Variants in SLIT3 observed in about 807,000 individuals in gnomAD.
The protein encoded by SLIT3 is slit guidance ligand 3.
A neutral mutation model predicts 184.0 loss-of-function variants in SLIT3; 68 were observed. The observed-to-expected ratio is 0.37, with a 90% confidence interval of 0.30 to 0.45. SLIT3 has a LOEUF of 0.45. Ranked by LOEUF, SLIT3 falls within the 20% of genes least tolerant of loss-of-function variation. SLIT3 has a pLI of 1.00. For synonymous variants in SLIT3, 831 were observed against 828.6 expected (o/e 1.00, Z -0.05); for missense variants, 1,707 against 2,026.0 (o/e 0.84, Z 3.02).
intron 18 of SLIT3, among the ~76,000 whole-genome samples, chr5:168,752,101 C>G (rs1451003510): frequency 6.6e-6 from 1 of 152,114 alleles, no homozygotes; most frequent in East Asian, 1.9e-4. Flanking sequence ...ACTTAAAGGT[C>G]CCAGTCTTCC....
chr5:168,875,441 G>C (rs1382726932), intron 5 of SLIT3, among the ~76,000 whole-genome samples: 1 of 152,070 alleles, frequency 6.6e-6, no homozygotes, highest in African/African-American at 2.4e-5. Flanking sequence ...AGACTAGGCT[G>C]GTCAACATGG....
chr5:168,901,883 C>T (rs1715130924), intron 4 of SLIT3, among the ~76,000 whole-genome samples: 1 of 152,118 alleles, frequency 6.6e-6, no homozygotes, highest in East Asian at 1.9e-4. Flanking sequence ...AGACAGTCCT[C>T]CTAGTGCTCT....
chr5:168,739,588 G>A (rs1449826874), intron 20 of SLIT3, among the ~76,000 whole-genome samples: 1 of 151,906 alleles, frequency 6.6e-6, no homozygotes. Flanking sequence ...CCAAGTAGCT[G>A]GGATTACAGG....
chr5:168,934,551 G>C (rs927104744), intron 4 of SLIT3, among the ~76,000 whole-genome samples: 2 of 152,172 alleles, frequency 1.3e-5, no homozygotes, highest in African/African-American at 4.8e-5. Context: ...GATACCACAA[G>C]ATGATGGGAA....
At chr5:168,843,156 C>G (rs1758327571) in intron 6 of SLIT3, among the ~76,000 whole-genome samples, 1 of 152,094 alleles carries the variant, frequency 6.6e-6, no homozygotes. Flanking sequence ...TCTCGGCTTT[C>G]ATCCGATTTC....
intron 4 of SLIT3, among the ~76,000 whole-genome samples, chr5:169,026,919 T>C (rs146349950): frequency 2.7e-3 from 405 of 152,272 alleles, no homozygotes; most frequent in African/African-American, 8.8e-3. Flanking sequence ...TAAAACTACA[T>C]GGTCCCTGCC....
intron 3 of SLIT3, among the ~76,000 whole-genome samples, chr5:169,238,273 T>C (rs1425882979): frequency 6.6e-6 from 1 of 152,158 alleles, no homozygotes; most frequent in Non-Finnish European, 1.5e-5. Context: ...TTATTAAATT[T>C]CTGAGTTTTT....
At chr5:169,027,908 G>A (rs1394039959) in intron 4 of SLIT3, among the ~76,000 whole-genome samples, 1 of 152,180 alleles carries the variant, frequency 6.6e-6, no homozygotes, top group African/African-American at 2.4e-5. Flanking sequence ...TAGAGGACTT[G>A]AAATGCACTA....
intron 9 of SLIT3, among the ~76,000 whole-genome samples, chr5:168,803,541 A>T (rs1327067866): frequency 6.6e-6 from 1 of 152,078 alleles, no homozygotes; most frequent in East Asian, 1.9e-4. Context: ...TCTCCTGGAG[A>T]GCTGAGCTGT....
At chr5:168,807,738 G>T (rs1357640099) in intron 8 of SLIT3, among the ~76,000 whole-genome samples, 1 of 152,142 alleles carries the variant, frequency 6.6e-6, no homozygotes, top group Non-Finnish European at 1.5e-5. Context: ...AAAAAAGTCT[G>T]CAGGGAAAAA....
At chr5:169,283,407 T>C (rs1767053555) in intron 1 of SLIT3, among the ~76,000 whole-genome samples, 1 of 152,186 alleles carries the variant, frequency 6.6e-6, no homozygotes, top group South Asian at 2.1e-4. Flanking sequence ...TCCAATCTCC[T>C]TGTTCCTCTG....
intron 20 of SLIT3, among the ~76,000 whole-genome samples, chr5:168,746,390 GTGTGGTGTC>G (rs1763813255): frequency 4.2e-5 from 5 of 119,926 alleles, no homozygotes; most frequent in Admixed American, 1.8e-4. Flanking sequence ...TGGTGTGGGT[GTGTGGTGTC>G]TGGTGGTGTG....
chr5:168,958,497 G>C (rs543807430), intron 4 of SLIT3, among the ~76,000 whole-genome samples: 1 of 152,154 alleles, frequency 6.6e-6, no homozygotes, highest in Non-Finnish European at 1.5e-5. Flanking sequence ...TTTACAGATA[G>C]AAAGCTGAGC....
At chr5:168,761,372 C>T (rs1282977231) in intron 15 of SLIT3, among the ~76,000 whole-genome samples, 1 of 152,066 alleles carries the variant, frequency 6.6e-6, no homozygotes, top group Admixed American at 6.5e-5. Flanking sequence ...CACAGGTATT[C>T]AGGGAGAGCA....
chr5:168,759,501 A>C (rs1217556205), intron 16 of SLIT3, among the ~76,000 whole-genome samples: 3 of 152,208 alleles, frequency 2.0e-5, no homozygotes, highest in African/African-American at 7.2e-5. Context: ...CTTCGGCAGT[A>C]TGTCTGGGGG....
chr5:169,169,536 C>T (rs1024696709), intron 4 of SLIT3, among the ~76,000 whole-genome samples: 2 of 152,172 alleles, frequency 1.3e-5, no homozygotes, highest in Non-Finnish European at 2.9e-5. Flanking sequence ...GGCCAGGGGC[C>T]CTTGAGATGT....
intron 12 of SLIT3, among the ~76,000 whole-genome samples, chr5:168,777,206 G>A (rs2113551090): frequency 6.6e-6 from 1 of 152,228 alleles, no homozygotes; most frequent in Middle Eastern, 3.4e-3. Context: ...CAGCCATGGA[G>A]TAGCTGCCCC....
chr5:168,730,239 G>A (rs565018535), intron 20 of SLIT3, among the ~76,000 whole-genome samples: 1 of 151,978 alleles, frequency 6.6e-6, no homozygotes, highest in Admixed American at 6.5e-5. Flanking sequence ...AAATAATACT[G>A]GACCTAATGA....
chr5:168,770,656 GTTT>G (rs35003831), intron 14 of SLIT3, among the ~76,000 whole-genome samples: 1 of 149,998 alleles, frequency 6.7e-6, no homozygotes, highest in East Asian at 2.0e-4. Context: ...GCTTAGCATT[GTTT>G]TTTTTTTTAA....
Sources: allele counts gnomAD v4.1 joint callset (sites outside exome capture counted in the v4.1 genomes callset), GRCh38; gene constraint gnomAD v4.1.1; transcripts MANE v1.5; gene names NCBI Gene and HGNC (gene_info 2026-07-23, HGNC 2026-07-21).